The following FGF19 variants were observed in gnomAD, a reference collection of about 807,000 sequenced individuals.
FGF19 encodes the protein fibroblast growth factor 19.
FGF19 carries 5 observed loss-of-function variants against 8.9 expected under a neutral mutation model. The ratio of observed to expected loss-of-function variants is 0.56; its 90% CI spans 0.29 to 1.18. The LOEUF (loss-of-function observed/expected upper bound fraction) is 1.18. Among genes scored for constraint, FGF19 ranks in the 50% most tolerant of loss-of-function variants. FGF19 has a pLI of 0.08. For synonymous variants in FGF19, 124 were observed against 128.0 expected (o/e 0.97, Z 0.21); for missense variants, 237 against 293.9 (o/e 0.81, Z 1.42).
chr11:69,700,828 C>A (rs1356297483), intron 2 of FGF19, among the ~76,000 whole-genome samples: 1 of 152,226 alleles, frequency 6.6e-6, no homozygotes, highest in Admixed American at 6.5e-5. Context: ...CTGAGGGAAG[C>A]CTTGTCTTAG....
rs1355140721 is a variant in FGF19, at chr11:69,703,903, G to T, written c.-27C>A. 3 of 1,232,208 alleles carry T rather than the reference G, an allele frequency of 2.4e-6. No individual in the cohort carries two copies. Among genetic ancestry groups the T allele is most frequent in the Non-Finnish European group, 3.1e-6 (3 of 982,704 alleles). The allele number at this position is 1,232,208 out of a possible 1,614,324, so 76.3% of individuals were successfully genotyped here. A position where few individuals can be genotyped will look rare whatever the true frequency, so the allele number is the denominator to read the frequency against. On this transcript the variant is annotated 5_prime_UTR_variant, in exon 1 of 3. The change creates a new upstream start codon in the 5' untranslated region. Transcript: ENST00000294312. This position sits in a 1 kb window ranked among gnomAD's most constrained non-coding sequence, Gnocchi z 6.8. ...GCACCTCCCTGGGGCTCTCGGCGCA[G>T]CTCCGGCGATGGGGGTGCGGGAGGC... is the stretch of plus-strand genomic sequence containing the variant.
At position 69,699,212 on chromosome 11, in the gene FGF19, C is replaced by T. The variant is rs1854739493; in HGVS notation, c.*50G>A. The T allele has an allele frequency of 7.2e-7, 1 of 1,379,764 alleles. No homozygotes were observed. Among genetic ancestry groups the T allele is most frequent in the African/African-American group, 1.4e-5 (1 of 69,576 alleles). The allele number at this position is 1,379,764 out of a possible 1,614,324, so 85.5% of individuals were successfully genotyped here. The stretch of plus-strand genomic sequence containing the variant: ...TTGTAGAAGCACGTCCCCCACGCTG[C>T]AGGTACCACAGCCCCTGGCAGCAGT... On this transcript the variant is annotated 3_prime_UTR_variant, in exon 3 of 3. Transcript: ENST00000294312.
intron 2 of FGF19, among the ~76,000 whole-genome samples, chr11:69,700,330 A>T (rs1019419119): frequency 5.9e-5 from 9 of 152,158 alleles, no homozygotes; most frequent in African/African-American, 1.9e-4. Context: ...TATATACTTA[A>T]TACTACATAT....
chr11:69,701,092 G>A (rs916128204), intron 2 of FGF19, among the ~76,000 whole-genome samples: 3 of 152,220 alleles, frequency 2.0e-5, no homozygotes, highest in African/African-American at 4.8e-5. Flanking sequence ...GGCTCCTGCC[G>A]AGCCCACGGA....
In FGF19 at chr11:69,699,472, A is replaced by C. The variant is rs1395815050; in HGVS notation, c.441T>G (p.Ser147Arg). The C allele has an allele frequency of 6.2e-7, 1 of 1,614,078 alleles. No individual in the cohort carries two copies. Among genetic ancestry groups the C allele is most frequent in the Non-Finnish European group, 8.5e-7 (1 of 1,180,036 alleles). ...EKHRLPVSLS[S>R]AKQRQLYKNR... ...TCTTGTACAGCTGCCGCTGTTTGGC[A>C]CTGCTCAGGGAGACCGGGAGGCGGT... The change falls in exon 3 of 3, where the codon AGT becomes AGG. Residue 147 changes from serine (S) to arginine (R), a missense_variant. Ser to Arg is a moderately radical substitution (Grantham distance 110). Coordinates refer to ENST00000294312, the MANE Select transcript of FGF19 (RefSeq NM_005117.3).
chr11:69,702,762 C>T lies in FGF19; in HGVS notation c.336+499G>A, dbSNP rs981355848. On this transcript the variant is annotated intron_variant, in intron 2 of 2. Coordinates refer to ENST00000294312, the MANE Select transcript of FGF19 (RefSeq NM_005117.3). The surrounding 1 kb of genome is among the most constrained non-coding windows in gnomAD (Gnocchi z 4.6). The stretch of plus-strand genomic sequence containing the variant: ...AATTAATTCTAAAAAAAAAATCTCT[C>T]CTATCCCAAATGCACTGTTTTCTGC... Among the ~76,000 whole-genome samples the T allele has an allele frequency of 6.6e-5, 10 of 152,212 alleles. No homozygotes were observed. Among genetic ancestry groups the T allele is most frequent in the African/African-American group, 1.4e-4 (6 of 41,454 alleles).
At position 69,698,992 on chromosome 11, in the gene FGF19, C is replaced by T. The variant is rs1854737041; in HGVS notation, c.*270G>A. The T allele has an allele frequency of 2.2e-6, 1 of 461,892 alleles. No homozygotes were observed. Among genetic ancestry groups the T allele is most frequent in the Admixed American group, 3.9e-5 (1 of 25,454 alleles). 28.6% of individuals were successfully genotyped at this position (461,892 alleles called of 1,614,324 possible). ...GTATTCAAGCAGAACTGAGACAGTGCAGCAGCTTGTCCAGCAACCTCGAGG... is the reference window on the plus strand; with the variant it reads ...GTATTCAAGCAGAACTGAGACAGTGTAGCAGCTTGTCCAGCAACCTCGAGG... On this transcript the variant is annotated 3_prime_UTR_variant, in exon 3 of 3. Transcript: ENST00000294312.
chr11:69,700,664 T>A (rs561958067), intron 2 of FGF19, among the ~76,000 whole-genome samples: 3 of 152,366 alleles, frequency 2.0e-5, no homozygotes, highest in African/African-American at 7.2e-5. Context: ...GGCCTTCTGG[T>A]CTGCAGCAGT....
At position 69,699,495 on chromosome 11, in the gene FGF19, G is replaced by A. The variant is rs745540845; in HGVS notation, c.418C>T (p.Arg140Cys). The change falls in exon 3 of 3, where the codon CGC becomes TGC. Residue 140 changes from arginine (R) to cysteine (C), a missense_variant. Transcript: ENST00000294312. ...GYNVYRSEKH[R>C]LPVSLSSAKQ... ...GCACTGCTCAGGGAGACCGGGAGGC[G>A]GTGCTTCTCGGATCGGTACACATTG... 2.7e-5 allele frequency: 44 copies of A among 1,613,834 alleles called. No homozygotes were observed. The East Asian group carries it at 6.7e-4, about 25-fold the overall frequency.
chr11:69,700,859 T>C (rs1380627704), intron 2 of FGF19, among the ~76,000 whole-genome samples: 1 of 151,912 alleles, frequency 6.6e-6, no homozygotes, highest in African/African-American at 2.4e-5. Context: ...GTCCACGGGG[T>C]TGAGAGGTGC....
rs1314947580 is a variant in FGF19 at position 69,702,537 on chromosome 11, C to T, written c.336+724G>A. Among the ~76,000 whole-genome samples the T allele has an allele frequency of 1.3e-5, 2 of 152,108 alleles. No individual in the cohort carries two copies. Among genetic ancestry groups the T allele is most frequent in the African/African-American group, 4.8e-5 (2 of 41,418 alleles). On this transcript the variant is annotated intron_variant, in intron 2 of 2. Coordinates refer to ENST00000294312, the MANE Select transcript of FGF19 (RefSeq NM_005117.3). The surrounding 1 kb of genome is among the most constrained non-coding windows in gnomAD (Gnocchi z 4.6). ...AACTCCCAGCCTTTGTTCCCGGCCA[C>T]CAGAGCCCCAGCGCTCGTACACTTC... is the stretch of plus-strand genomic sequence containing the variant.
intron 2 of FGF19, among the ~76,000 whole-genome samples, chr11:69,701,236 G>A (rs889665908): frequency 6.6e-6 from 1 of 152,216 alleles, no homozygotes; most frequent in African/African-American, 2.4e-5. Flanking sequence ...TGTCCTTTGG[G>A]AGAAATTAGT....
At position 69,702,165 on chromosome 11, in the gene FGF19, G is replaced by A. The variant is rs1854779866; in HGVS notation, c.336+1096C>T. ...GGAGCGGCTCTGGGTGGGAGTCAGCGTCCAGCGTGCCGACCACCCCCTTTC... is the reference window on the plus strand; with the variant it reads ...GGAGCGGCTCTGGGTGGGAGTCAGCATCCAGCGTGCCGACCACCCCCTTTC... On this transcript the variant is annotated intron_variant, in intron 2 of 2. Coordinates refer to ENST00000294312, the MANE Select transcript of FGF19 (RefSeq NM_005117.3). The surrounding 1 kb of genome is among the most constrained non-coding windows in gnomAD (Gnocchi z 4.6). Among the ~76,000 whole-genome samples the A allele has an allele frequency of 6.6e-6, 1 of 151,810 alleles. No homozygotes were observed. Among genetic ancestry groups the A allele is most frequent in the Non-Finnish European group, 1.5e-5 (1 of 67,994 alleles).
At position 69,703,133 on chromosome 11, in the gene FGF19, C is replaced by G; in HGVS notation, c.336+128G>C. ...TTGCAATCTTTCCCTCGAAGTTGCA[C>G]GCGGGTCTGGGCGGAGGAGGCGAGG... On this transcript the variant is annotated intron_variant, in intron 2 of 2. Transcript: ENST00000294312. This position sits in a 1 kb window ranked among gnomAD's most constrained non-coding sequence, Gnocchi z 6.8. The G allele has an allele frequency of 1.7e-6, 1 of 574,334 alleles. No individual in the cohort carries two copies. Among genetic ancestry groups the G allele is most frequent in the South Asian group, 2.5e-5 (1 of 39,296 alleles). 35.6% of individuals were successfully genotyped at this position (574,334 alleles called of 1,614,324 possible).
chr11:69,701,880 A>C (rs1413636957), intron 2 of FGF19, among the ~76,000 whole-genome samples: 1 of 147,818 alleles, frequency 6.8e-6, no homozygotes, highest in Non-Finnish European at 1.5e-5. Flanking sequence ...AGGTAGCAGA[A>C]ACGCTTGAAC....
At position 69,703,462 on chromosome 11, in the gene FGF19, C is replaced by T. The variant is rs957932691; in HGVS notation, c.233-98G>A. ...AAGCCTGTGCTTCTCCCTAGCGTCCCGCGCTGTTTGGGGACTAACGGAGGG... is the reference window on the plus strand; with the variant it reads ...AAGCCTGTGCTTCTCCCTAGCGTCCTGCGCTGTTTGGGGACTAACGGAGGG... On this transcript the variant is annotated intron_variant, in intron 1 of 2. Transcript: ENST00000294312. This position sits in a 1 kb window ranked among gnomAD's most constrained non-coding sequence, Gnocchi z 6.8. The T allele has an allele frequency of 2.9e-6, 3 of 1,033,044 alleles. No individual in the cohort carries two copies. The highest frequency in any genetic ancestry group is 3.3e-5 in the South Asian group (2 of 61,226). The allele number at this position is 1,033,044 out of a possible 1,614,324, so 64.0% of individuals were successfully genotyped here.
chr11:69,702,529 C>A lies in FGF19; in HGVS notation c.336+732G>T, dbSNP rs1288556253. ...TTCCTTTGAACTCCCAGCCTTTGTTCCCGGCCACCAGAGCCCCAGCGCTCG... is the reference window on the plus strand; with the variant it reads ...TTCCTTTGAACTCCCAGCCTTTGTTACCGGCCACCAGAGCCCCAGCGCTCG... On this transcript the variant is annotated intron_variant, in intron 2 of 2. Coordinates refer to ENST00000294312, the MANE Select transcript of FGF19 (RefSeq NM_005117.3). This position sits in a 1 kb window ranked among gnomAD's most constrained non-coding sequence, Gnocchi z 4.6. Among the ~76,000 whole-genome samples, 1 of 152,054 alleles carries A rather than the reference C, an allele frequency of 6.6e-6. No individual in the cohort carries two copies. The highest frequency in any genetic ancestry group is 2.0e-4 in the East Asian group (1 of 5,128).
chr11:69,703,257 T>C lies in FGF19; in HGVS notation c.336+4A>G, dbSNP rs763115002. ...CGGCGCATCCGCCCCGTGGGGACAC[T>C]TACCAGCCCCTGCATCTTGCCGTCG... On this transcript the variant is annotated splice_donor_region_variant and intron_variant, in intron 2 of 2. Coordinates refer to ENST00000294312, the MANE Select transcript of FGF19 (RefSeq NM_005117.3). This position sits in a 1 kb window ranked among gnomAD's most constrained non-coding sequence, Gnocchi z 6.8. 1 of 1,590,946 alleles carries C rather than the reference T, an allele frequency of 6.3e-7. No individual in the cohort carries two copies. The highest frequency in any genetic ancestry group is 8.6e-7 in the Non-Finnish European group (1 of 1,168,612).
rs1323448517 is a variant in FGF19, at chr11:69,698,918, G to C, written c.*344C>G. On this transcript the variant is annotated 3_prime_UTR_variant, in exon 3 of 3. Coordinates refer to ENST00000294312, the MANE Select transcript of FGF19 (RefSeq NM_005117.3). ...GATGAGAAAAAATTAGAGAATTTCA[G>C]CTTGACATAAGAATTTTTCCAAAGG... is the stretch of plus-strand genomic sequence containing the variant. 3.7e-6 allele frequency: 1 copy of C among 269,348 alleles called. No individual in the cohort carries two copies. The highest frequency in any genetic ancestry group is 7.1e-6 in the Non-Finnish European group (1 of 141,062). 16.7% of individuals were successfully genotyped at this position (269,348 alleles called of 1,614,324 possible).
Sources: allele counts gnomAD v4.1 joint callset (sites outside exome capture counted in the v4.1 genomes callset), GRCh38; gene constraint gnomAD v4.1.1; non-coding constraint Gnocchi (gnomAD v3.1); transcripts MANE v1.5; gene names NCBI Gene and HGNC (gene_info 2026-07-23, HGNC 2026-07-21).